The following APOBEC3A variants were observed in gnomAD, a reference collection of about 807,000 sequenced individuals.
The protein encoded by APOBEC3A is DNA dC->dU-editing enzyme APOBEC-3A.
APOBEC3A carries 13 observed loss-of-function variants against 23.0 expected under a neutral mutation model. The ratio of observed to expected loss-of-function variants is 0.57; its 90% CI spans 0.37 to 0.90. APOBEC3A has a LOEUF of 0.90. Ranked by LOEUF, APOBEC3A falls within the 40% of genes least tolerant of loss-of-function variation. APOBEC3A has a pLI of 0.01. For synonymous variants in APOBEC3A, 74 were observed against 101.3 expected, an observed-to-expected ratio of 0.73 and a Z score of 1.62; for missense variants, 179 against 264.9, an observed-to-expected ratio of 0.68 and a Z score of 2.25.
chr22:38,959,878 G>C (rs1356471360), intron 2 of APOBEC3A, among the ~76,000 whole-genome samples, 192 bp downstream of exon 2: 1 of 152,192 alleles, frequency 6.6e-6, no homozygotes, highest in Non-Finnish European at 1.5e-5. Context: ...AGGTGGGGTT[G>C]AGTCTGCCCA....
chr22:38,958,770 TC>T (rs1301269034), intron 1 of APOBEC3A, among the ~76,000 whole-genome samples: 4 of 17,740 alleles, frequency 2.3e-4, no homozygotes, highest in South Asian at 1.8e-3. Context: ...TCTCTCTTTC[TC>T]TTTCTTTCTT....
intron 1 of APOBEC3A, among the ~76,000 whole-genome samples, chr22:38,959,324 G>A (rs1279800388): frequency 1.3e-5 from 2 of 152,130 alleles, no homozygotes; most frequent in African/African-American, 4.8e-5. Flanking sequence ...CTGACCCTGG[G>A]GAGACCCTGA....
At chr22:38,961,707 TG>T in intron 3 of APOBEC3A, 26 bp downstream of exon 3, 4 of 138,516 alleles carry the variant, frequency 2.9e-5, no homozygotes, top group Non-Finnish European at 6.0e-5. Flanking sequence ...TCAGGTGGGG[TG>T]GGGTGGGTGG....
intron 1 of APOBEC3A, among the ~76,000 whole-genome samples, 156 bp downstream of exon 1, chr22:38,957,876 T>C (rs1922640774): frequency 6.6e-6 from 1 of 152,168 alleles, no homozygotes; most frequent in Non-Finnish European, 1.5e-5. Flanking sequence ...CCAGTTTTGG[T>C]CCCAGCGCTG....
intron 4 of APOBEC3A, 116 bp from the exon 5 acceptor site, chr22:38,962,379 C>G (rs1922943443): frequency 6.4e-7 from 1 of 1,553,670 alleles, no homozygotes; most frequent in Non-Finnish European, 8.7e-7. Context: ...CTTCTCTTTC[C>G]CACCTCCCGC....
At chr22:38,958,579 C>CT (rs879575707) in intron 1 of APOBEC3A, among the ~76,000 whole-genome samples, 1,284 of 125,116 alleles carry the variant, frequency 0.01, 15 homozygotes, top group African/African-American at 0.04. Context: ...CTTTCCTTTC[C>CT]TTCCTTTCTT....
chr22:38,957,936 C>A (rs527403019), intron 1 of APOBEC3A, among the ~76,000 whole-genome samples: 1 of 152,304 alleles, frequency 6.6e-6, no homozygotes, highest in East Asian at 1.9e-4. Flanking sequence ...CCTCCCGGGG[C>A]AGGTGCACAG....
rs1294710412 is a variant in APOBEC3A at position 38,957,662 on chromosome 22, A to G, written c.-30A>G. 7 of 1,611,140 alleles carry G rather than the reference A, an allele frequency of 4.3e-6. No individual in the cohort carries two copies. The highest frequency in any genetic ancestry group is 5.1e-6 in the Non-Finnish European group (6 of 1,178,528). On this transcript the variant is annotated 5_prime_UTR_variant, in exon 1 of 5. Coordinates refer to ENST00000249116, the MANE Select transcript of APOBEC3A (RefSeq NM_145699.4). ...GAGCAAGTCGCAAGAGCGGGAGGAC[A>G]CAGACCAGGAACCGAGAAGGGACAA...
chr22:38,961,083 G>C (rs5757406), intron 2 of APOBEC3A, among the ~76,000 whole-genome samples: 24,565 of 145,386 alleles, frequency 0.17, 2,868 homozygotes, highest in African/African-American at 0.31. Context: ...ATGAATAAAA[G>C]CAAAGATTTT....
intron 1 of APOBEC3A, among the ~76,000 whole-genome samples, chr22:38,958,778 TC>T (rs1922725159): frequency 7.0e-6 from 1 of 142,400 alleles, no homozygotes; most frequent in African/African-American, 2.9e-5. Context: ...TCTCTTTCTT[TC>T]TTTCTTTCTT....
In APOBEC3A at chr22:38,957,998, C is replaced by T. The variant is rs149812529; in HGVS notation, c.29+278C>T. Among the ~76,000 whole-genome samples, 417 of 152,310 alleles carry T rather than the reference C, an allele frequency of 2.7e-3. 4 individuals carry two copies. Among genetic ancestry groups the T allele is most frequent in the African/African-American group, 9.7e-3 (402 of 41,548 alleles). On this transcript the variant is annotated intron_variant, in intron 1 of 4. Transcript: ENST00000249116. ...GGTGCTGTGCCCCAGCCAGTGAAGA[C>T]GGTCAGAGAGGGGATTCTCCTCACT...
At chr22:38,961,735 T>C (rs2146274642) in intron 3 of APOBEC3A, 54 bp downstream of exon 3, 3 of 1,186,048 alleles carry the variant, frequency 2.5e-6, no homozygotes, top group South Asian at 2.9e-5. Flanking sequence ...GAGAGGTTCC[T>C]GGGAAGAAAA....
chr22:38,958,876 G>A (rs1407169361), intron 1 of APOBEC3A, among the ~76,000 whole-genome samples: 1 of 131,030 alleles, frequency 7.6e-6, no homozygotes, highest in Non-Finnish European at 1.7e-5. Context: ...TCTTTCTTTT[G>A]TGCTGCCTCC....
chr22:38,959,045 G>A (rs1304863535), intron 1 of APOBEC3A, among the ~76,000 whole-genome samples: 1 of 152,116 alleles, frequency 6.6e-6, no homozygotes, highest in Non-Finnish European at 1.5e-5. Flanking sequence ...CACCCTAAGG[G>A]ATGTGGAAAA....
chr22:38,957,615 G>GA lies in APOBEC3A; in HGVS notation c.-75dup. The GA allele has an allele frequency of 6.4e-7, 1 of 1,565,364 alleles. No homozygotes were observed. Among genetic ancestry groups the GA allele is most frequent in the Admixed American group, 1.8e-5 (1 of 54,652 alleles). On this transcript the variant is annotated 5_prime_UTR_variant, in exon 1 of 5. Coordinates refer to ENST00000249116, the MANE Select transcript of APOBEC3A (RefSeq NM_145699.4). ...TCCTGAATCCTAAGAGAATGTTGGT[G>GA]AAGATCTTAACACCACGCCTTGAGC...
At position 38,961,660 on chromosome 22, in the gene APOBEC3A, G is replaced by GTTC; in HGVS notation, c.449_450insTCT (p.Val150_Ser151insLeu). ...AATGCTGCGGGATGCTGGGGCCCAA[G>GTTC]TCTCCATCATGACCTACGATGGTAA... On this transcript the variant is annotated inframe_insertion, in exon 3 of 5. Coordinates refer to ENST00000249116, the MANE Select transcript of APOBEC3A (RefSeq NM_145699.4). The GTTC allele has an allele frequency of 1.4e-6, 2 of 1,431,660 alleles. No individual in the cohort carries two copies. The highest frequency in any genetic ancestry group is 5.2e-5 in the East Asian group (2 of 38,228). The allele number at this position is 1,431,660 out of a possible 1,614,324, so 88.7% of individuals were successfully genotyped here. A position where few individuals can be genotyped will look rare whatever the true frequency, so the allele number is the denominator to read the frequency against.
chr22:38,962,255 C>A, intron 4 of APOBEC3A, 42 bp downstream of exon 4: 1 of 1,613,458 alleles, frequency 6.2e-7, no homozygotes. Context: ...ATCGGCCTCC[C>A]CCTCCTCCCC....
At position 38,962,892 on chromosome 22, in the gene APOBEC3A, A is replaced by G. The variant is rs1434856525; in HGVS notation, c.*383A>G. The G allele has an allele frequency of 2.8e-5, 9 of 319,180 alleles. No individual in the cohort carries two copies. In the Admixed American group the frequency reaches 3.9e-4, roughly 14 times the overall value. 19.8% of individuals were successfully genotyped at this position (319,180 alleles called of 1,614,324 possible). A position where few individuals can be genotyped will look rare whatever the true frequency, so the allele number is the denominator to read the frequency against. The stretch of plus-strand genomic sequence containing the variant: ...AGAGTAGCGTGAACCCGGGAGGCAG[A>G]GCTTGCGGTGAGCCGAGATTGCGCT... On this transcript the variant is annotated 3_prime_UTR_variant, in exon 5 of 5. Transcript: ENST00000249116.
At position 38,961,754 on chromosome 22, in the gene APOBEC3A, G is replaced by A. The variant is rs1000924375; in HGVS notation, c.469+73G>A. ...GGTTCCTGGGAAGAAAAGGAGAAAG[G>A]CCTTGGTCTGCTGCCTGCAGAAACG... On this transcript the variant is annotated intron_variant, in intron 3 of 4. Transcript: ENST00000249116. 5.7e-5 allele frequency: 63 copies of A among 1,113,174 alleles called. 4 individuals carry two copies. The highest frequency in any genetic ancestry group is 8.1e-5 in the Non-Finnish European group (63 of 781,134). 69.0% of individuals were successfully genotyped at this position (1,113,174 alleles called of 1,614,324 possible).
Sources: allele counts gnomAD v4.1 joint callset (sites outside exome capture counted in the v4.1 genomes callset), GRCh38; gene constraint gnomAD v4.1.1; transcripts MANE v1.5; gene names NCBI Gene and HGNC (gene_info 2026-07-23, HGNC 2026-07-21).